FGGY: variants seen among roughly 807,000 people sequenced by gnomAD.
FGGY encodes FGGY carbohydrate kinase domain-containing protein.
In FGGY, 72 loss-of-function variants were observed where a neutral mutation model predicts 71.3. The observed-to-expected ratio is 1.01, with a 90% CI of 0.84 to 1.23. The LOEUF is 1.23. Among genes scored for constraint, FGGY ranks in the 50% most tolerant of loss-of-function variants. FGGY has a pLI of 0.00. For missense variants in FGGY, 668 were observed against 682.3 expected (o/e 0.98, Z 0.23); for synonymous variants, 251 against 250.3 (o/e 1.00, Z -0.02).
chr1:59,463,905 C>A (rs762036303), intron 6 of FGGY, among the ~76,000 whole-genome samples: 2 of 152,172 alleles, frequency 1.3e-5, no homozygotes. Context: ...GACTCCCACA[C>A]AATAATAATG....
chr1:59,720,936 G>T (rs78216906), intron 14 of FGGY, among the ~76,000 whole-genome samples: 2,711 of 152,218 alleles, frequency 0.018, 32 homozygotes, highest in Non-Finnish European at 0.027. Flanking sequence ...GTCTGGCTTC[G>T]TTGCTCTCTT....
intron 6 of FGGY, 55 bp downstream of exon 6, chr1:59,457,131 G>A (rs2091784701): frequency 1.6e-6 from 2 of 1,268,610 alleles, no homozygotes; most frequent in East Asian, 2.4e-5. Flanking sequence ...ATCTTGATGG[G>A]TTTGTTGTTA....
intron 14 of FGGY, among the ~76,000 whole-genome samples, chr1:59,732,847 C>T (rs1000833697): frequency 2.0e-5 from 3 of 152,070 alleles, no homozygotes; most frequent in African/African-American, 7.2e-5. Context: ...ACCCTGAAAT[C>T]CCCGCGACGA....
chr1:59,735,587 A>T (rs1282318452), intron 14 of FGGY, among the ~76,000 whole-genome samples: 1 of 152,184 alleles, frequency 6.6e-6, no homozygotes, highest in African/African-American at 2.4e-5. Context: ...ATTACTTCTC[A>T]ACCCACCATC....
intron 8 of FGGY, among the ~76,000 whole-genome samples, chr1:59,575,968 C>A (rs58917772): frequency 0.053 from 8,107 of 152,208 alleles, 427 homozygotes; most frequent in African/African-American, 0.14. Context: ...ATCATATCAT[C>A]TGCAAATTTT....
intron 2 of FGGY, among the ~76,000 whole-genome samples, chr1:59,327,905 G>A (rs2047723458): frequency 6.6e-6 from 1 of 152,184 alleles, no homozygotes; most frequent in African/African-American, 2.4e-5. Flanking sequence ...TTTTCTTTGA[G>A]CAGTAAGTCT....
At chr1:59,656,224 C>T (rs2097217090) in intron 11 of FGGY, among the ~76,000 whole-genome samples, 1 of 152,200 alleles carries the variant, frequency 6.6e-6, no homozygotes, top group African/African-American at 2.4e-5. Context: ...TAGGCACAGG[C>T]ACATCAATAA....
chr1:59,320,505 C>G (rs191053551), intron 1 of FGGY, among the ~76,000 whole-genome samples: 90 of 152,242 alleles, frequency 5.9e-4, no homozygotes, highest in African/African-American at 2.2e-3. Flanking sequence ...CAAAGCCAAT[C>G]TGGAAAATAA....
chr1:59,463,601 T>G (rs1196232796), intron 6 of FGGY, among the ~76,000 whole-genome samples: 1 of 151,696 alleles, frequency 6.6e-6, no homozygotes. Context: ...ATCAGTGTGC[T>G]GTATTCAGGA....
intron 3 of FGGY, among the ~76,000 whole-genome samples, chr1:59,344,087 G>A (rs1447006776): frequency 6.6e-6 from 1 of 152,144 alleles, no homozygotes; most frequent in East Asian, 1.9e-4. Flanking sequence ...CTAGAGCTTT[G>A]AGCACTTCTG....
At chr1:59,522,588 G>A (rs138716157) in intron 7 of FGGY, among the ~76,000 whole-genome samples, 11 of 152,266 alleles carry the variant, frequency 7.2e-5, no homozygotes, top group Admixed American at 3.9e-4. Flanking sequence ...TAATGTTGAC[G>A]TTAATTTTGT....
intron 6 of FGGY, among the ~76,000 whole-genome samples, chr1:59,469,801 C>T (rs150891400): frequency 5.3e-5 from 8 of 152,168 alleles, no homozygotes; most frequent in East Asian, 1.9e-4. Flanking sequence ...TCATTGTGTC[C>T]GTGTGTTCTC....
At chr1:59,330,579 A>AC (rs1253707317) in intron 2 of FGGY, among the ~76,000 whole-genome samples, 4 of 149,328 alleles carry the variant, frequency 2.7e-5, no homozygotes, top group Non-Finnish European at 5.9e-5. Flanking sequence ...AAAAAAAAAA[A>AC]AAAGAAAAGA....
chr1:59,344,229 A>C (rs1028950912), intron 3 of FGGY, among the ~76,000 whole-genome samples: 4 of 151,194 alleles, frequency 2.6e-5, no homozygotes, highest in African/African-American at 9.8e-5. Context: ...ATATCTTTCC[A>C]GTTAGGCAAC....
intron 10 of FGGY, among the ~76,000 whole-genome samples, chr1:59,635,610 G>C (rs12067863): frequency 2.0e-5 from 3 of 151,716 alleles, no homozygotes; most frequent in African/African-American, 7.3e-5. Flanking sequence ...GTGGAAAGTC[G>C]CAAGAATTAG....
At chr1:59,347,294 T>C (rs2052244513) in intron 4 of FGGY, among the ~76,000 whole-genome samples, 1 of 136,214 alleles carries the variant, frequency 7.3e-6, no homozygotes, top group African/African-American at 2.7e-5. Flanking sequence ...CCCCTTCCTG[T>C]GTCCATGTGT....
intron 14 of FGGY, among the ~76,000 whole-genome samples, chr1:59,726,561 C>G (rs751392185): frequency 2.6e-5 from 4 of 151,968 alleles, no homozygotes; most frequent in Non-Finnish European, 4.4e-5. Context: ...GGGCCTGGCA[C>G]TTTGGTTTTT....
intron 6 of FGGY, among the ~76,000 whole-genome samples, chr1:59,508,293 C>T (rs1320855005): frequency 6.6e-6 from 1 of 152,180 alleles, no homozygotes; most frequent in Non-Finnish European, 1.5e-5. Context: ...TATGAGACCT[C>T]AGCACCTAGA....
At chr1:59,647,320 C>A (rs1158953988) in intron 11 of FGGY, among the ~76,000 whole-genome samples, 1 of 152,132 alleles carries the variant, frequency 6.6e-6, no homozygotes, top group Non-Finnish European at 1.5e-5. Context: ...AGAAGCAAGG[C>A]AAACAAGGTG....
Sources: gnomAD v4.1 joint callset for allele counts (sites outside exome capture counted in the v4.1 genomes callset) on GRCh38, gnomAD v4.1.1 for gene constraint, MANE v1.5 for transcripts, NCBI Gene and HGNC (gene_info 2026-07-23, HGNC 2026-07-21) for gene names.